Variants in UXS1 observed in about 807,000 individuals in gnomAD.
UXS1 encodes the protein UDP-glucuronic acid decarboxylase 1.
In UXS1, 33 loss-of-function variants were observed where a neutral mutation model predicts 62.6. The ratio of observed to expected loss-of-function variants is 0.53; its 90% CI spans 0.40 to 0.70. The LOEUF (loss-of-function observed/expected upper bound fraction) is 0.70, where lower values mean the gene tolerates loss of function less well. Ranked by LOEUF, UXS1 falls within the 30% of genes least tolerant of loss-of-function variation. The pLI, the probability that UXS1 is intolerant of heterozygous loss-of-function variation, is 0.00. For synonymous variants in UXS1, 213 were observed against 206.8 expected (o/e 1.03, Z -0.26); for missense variants, 434 against 556.3 (o/e 0.78, Z 2.21).
intron 1 of UXS1, among the ~76,000 whole-genome samples, chr2:106,186,252 C>G (rs2105120729): frequency 6.6e-6 from 1 of 152,272 alleles, no homozygotes; most frequent in Non-Finnish European, 1.5e-5. Context: ...CAAAATGAAG[C>G]AGCATAGAGG....
At chr2:106,178,434 A>ATGTG (rs1057173155) in intron 1 of UXS1, among the ~76,000 whole-genome samples, 31 of 152,098 alleles carry the variant, frequency 2.0e-4, no homozygotes, top group African/African-American at 7.5e-4. Context: ...GGCAAAAAGT[A>ATGTG]TGTGTATGTA....
intron 5 of UXS1, among the ~76,000 whole-genome samples, chr2:106,152,315 G>T (rs2105019951): frequency 6.6e-6 from 1 of 152,212 alleles, no homozygotes; most frequent in South Asian, 2.1e-4. Flanking sequence ...AGCTGGGCAT[G>T]GTGGAGCACA....
At chr2:106,156,577 C>G (rs897560609) in intron 5 of UXS1, among the ~76,000 whole-genome samples, 2 of 152,162 alleles carry the variant, frequency 1.3e-5, no homozygotes, top group East Asian at 3.8e-4. Context: ...GCACCCCACC[C>G]CCATACCTAA....
At chr2:106,101,246 T>C (rs2104840862) in intron 11 of UXS1, 128 bp from the exon 12 acceptor site, 2 of 895,930 alleles carry the variant, frequency 2.2e-6, no homozygotes, top group East Asian at 2.6e-5. Flanking sequence ...AATGGAAAAT[T>C]GAATGTCGAA....
At chr2:106,105,663 G>GC (rs1677997450) in intron 10 of UXS1, among the ~76,000 whole-genome samples, 1 of 152,168 alleles carries the variant, frequency 6.6e-6, no homozygotes, top group Non-Finnish European at 1.5e-5. Context: ...CCCTGCTGGA[G>GC]CCCAGCACGA....
At chr2:106,178,598 G>A (rs560863843) in intron 1 of UXS1, among the ~76,000 whole-genome samples, 1 of 152,114 alleles carries the variant, frequency 6.6e-6, no homozygotes, top group Admixed American at 6.5e-5. Context: ...GTACATGTAT[G>A]TGTGTGTATA....
At chr2:106,107,537 C>A (rs772494032) in intron 10 of UXS1, among the ~76,000 whole-genome samples, 1 of 152,192 alleles carries the variant, frequency 6.6e-6, no homozygotes, top group Non-Finnish European at 1.5e-5. Flanking sequence ...GTTAACTAGG[C>A]TGCCAGGGTC....
intron 10 of UXS1, among the ~76,000 whole-genome samples, chr2:106,106,061 TGGA>T (rs997887491): frequency 5.3e-5 from 8 of 152,126 alleles, no homozygotes; most frequent in Non-Finnish European, 8.8e-5. Flanking sequence ...AAGGATCAGG[TGGA>T]GAAGAAAAGC....
chr2:106,188,862 A>C (rs1684743326), intron 1 of UXS1, among the ~76,000 whole-genome samples: 1 of 152,228 alleles, frequency 6.6e-6, no homozygotes. Flanking sequence ...AAAGAAAACA[A>C]ATTTTTTAAA....
At chr2:106,129,875 T>C (rs1680289645) in intron 6 of UXS1, 97 bp from the exon 7 acceptor site, 2 of 652,128 alleles carry the variant, frequency 3.1e-6, no homozygotes, top group Non-Finnish European at 5.0e-6. Flanking sequence ...TATTAGTATA[T>C]CTTTCACTGA....
At chr2:106,119,640 ACAGT>A (rs1558694265) in intron 9 of UXS1, among the ~76,000 whole-genome samples, 1 of 152,156 alleles carries the variant, frequency 6.6e-6, no homozygotes, top group African/African-American at 2.4e-5. Context: ...TGCTCAGAAC[ACAGT>A]CATAGTCCCA....
chr2:106,130,492 T>C (rs114269163), intron 6 of UXS1, among the ~76,000 whole-genome samples: 1 of 152,122 alleles, frequency 6.6e-6, no homozygotes, highest in South Asian at 2.1e-4. Flanking sequence ...CCAGACAAAG[T>C]CCATGTCATG....
At chr2:106,107,227 G>A (rs1366241440) in intron 10 of UXS1, among the ~76,000 whole-genome samples, 2 of 152,142 alleles carry the variant, frequency 1.3e-5, no homozygotes, top group African/African-American at 4.8e-5. Context: ...CTCAGTCAGG[G>A]CCACTGTGAT....
chr2:106,095,689 G>C (rs530543786), intron 14 of UXS1, among the ~76,000 whole-genome samples: 16 of 152,288 alleles, frequency 1.1e-4, no homozygotes, highest in Non-Finnish European at 1.8e-4. Flanking sequence ...AGGGGAGCCC[G>C]AATTTCAGTG....
intron 4 of UXS1, among the ~76,000 whole-genome samples, chr2:106,162,045 G>A (rs1178574719): frequency 1.3e-5 from 2 of 152,132 alleles, no homozygotes; most frequent in African/African-American, 4.8e-5. Flanking sequence ...AAGCTAGACG[G>A]AGTTCCATCA....
At chr2:106,131,339 G>A (rs1311170652) in intron 6 of UXS1, among the ~76,000 whole-genome samples, 2 of 44,004 alleles carry the variant, frequency 4.5e-5, no homozygotes, top group Non-Finnish European at 1.4e-4. Flanking sequence ...AGGGGCGGCC[G>A]CCATTGCCCA....
chr2:106,188,283 A>G (rs1215551863), intron 1 of UXS1, among the ~76,000 whole-genome samples: 1 of 152,138 alleles, frequency 6.6e-6, no homozygotes, highest in African/African-American at 2.4e-5. Flanking sequence ...ATGCTACTGG[A>G]TAGGAAAAAG....
At chr2:106,119,065 C>T (rs1679307764) in intron 9 of UXS1, among the ~76,000 whole-genome samples, 1 of 152,224 alleles carries the variant, frequency 6.6e-6, no homozygotes. Context: ...CCCAAACTAT[C>T]TCAAAAGATC....
intron 13 of UXS1, chr2:106,097,178 C>T (rs914913279): frequency 2.1e-6 from 1 of 468,160 alleles, no homozygotes; most frequent in African/African-American, 2.0e-5. Flanking sequence ...CCGAGCATGA[C>T]CCCGGTGTGA....
Sources: allele counts gnomAD v4.1 joint callset (sites outside exome capture counted in the v4.1 genomes callset), GRCh38; gene constraint gnomAD v4.1.1; transcripts MANE v1.5; gene names NCBI Gene and HGNC (gene_info 2026-07-23, HGNC 2026-07-21).